The following RABGAP1L variants were observed in gnomAD, a reference collection of about 807,000 sequenced individuals.
The protein encoded by RABGAP1L is RAB GTPase activating protein 1 like, also known as rab GTPase-activating protein 1-like.
RABGAP1L carries 63 observed loss-of-function variants against 137.7 expected under a neutral mutation model. That is an observed-to-expected ratio of 0.46 (90% confidence interval 0.37 to 0.56). The LOEUF (loss-of-function observed/expected upper bound fraction) is 0.56, where lower values mean the gene tolerates loss of function less well. RABGAP1L is among the 20% of genes least tolerant of loss of function. RABGAP1L has a pLI of 0.00. For synonymous variants in RABGAP1L, 431 were observed against 433.7 expected (o/e 0.99, Z 0.08); for missense variants, 1,095 against 1,244.0 (o/e 0.88, Z 1.80).
At chr1:174,544,163 TC>T (rs1207783195) in intron 13 of RABGAP1L, among the ~76,000 whole-genome samples, 1 of 152,218 alleles carries the variant, frequency 6.6e-6, no homozygotes, top group Non-Finnish European at 1.5e-5. Flanking sequence ...TTGGGTAAGT[TC>T]TCCTGGGTAA....
intron 14 of RABGAP1L, among the ~76,000 whole-genome samples, chr1:174,662,540 C>G (rs1260999518): frequency 6.6e-6 from 1 of 151,960 alleles, no homozygotes; most frequent in Non-Finnish European, 1.5e-5. Context: ...GCCTCAGCCT[C>G]CCACCACCAC....
At chr1:174,465,888 T>C (rs1657244069) in intron 13 of RABGAP1L, among the ~76,000 whole-genome samples, 1 of 152,196 alleles carries the variant, frequency 6.6e-6, no homozygotes, top group East Asian at 1.9e-4. Context: ...GCTTCTTAGT[T>C]ATGTGGGAGA....
rs953596473 is a variant in RABGAP1L, at chr1:174,832,635, A to G, written c.2340+20675A>G. 4.9e-5 allele frequency among the ~76,000 whole-genome samples: 6 copies of G among 121,932 alleles called. 1 individual carries two copies. Among genetic ancestry groups the G allele is most frequent in the African/African-American group, 1.7e-4 (6 of 35,232 alleles). 80.0% of individuals were successfully genotyped at this position (121,932 alleles called of 152,430 possible). On this transcript the variant is annotated intron_variant, in intron 19 of 25. Coordinates refer to ENST00000681986, the MANE Select transcript of RABGAP1L (RefSeq NM_001366446.1). Reference sequence around the variant, plus strand: ...GCTCCCTCCAGCAGCCCCTTCTCCCATGACCTCTATGTCAGTTACATCCAT... The same window carrying G: ...GCTCCCTCCAGCAGCCCCTTCTCCCGTGACCTCTATGTCAGTTACATCCAT...
intron 19 of RABGAP1L, among the ~76,000 whole-genome samples, chr1:174,916,716 C>T (rs772222432): frequency 3.3e-5 from 5 of 152,160 alleles, no homozygotes; most frequent in Non-Finnish European, 5.9e-5. Flanking sequence ...GAGCATATCT[C>T]GTCCTTTGAA....
intron 1 of RABGAP1L, among the ~76,000 whole-genome samples, chr1:174,203,606 C>T (rs923556083): frequency 6.6e-6 from 1 of 152,052 alleles, no homozygotes; most frequent in Non-Finnish European, 1.5e-5. Context: ...TTTTTGGTTC[C>T]ATATGAATTT....
At position 174,827,509 on chromosome 1, in the gene RABGAP1L, G is replaced by T. The variant is rs990703297; in HGVS notation, c.2340+15549G>T. Among the ~76,000 whole-genome samples the T allele has an allele frequency of 8.2e-5, 10 of 122,508 alleles. 1 individual carries two copies. Among genetic ancestry groups the T allele is most frequent in the Non-Finnish European group, 1.9e-4 (10 of 54,034 alleles). 80.4% of individuals were successfully genotyped at this position (122,508 alleles called of 152,430 possible). A position where few individuals can be genotyped will look rare whatever the true frequency, so the allele number is the denominator to read the frequency against. ...TGTTGTTCTCATAGTAACTGAGTGCGCATTTCTTCTCAATTTCTCTGAAAA... is the reference window on the plus strand; with the variant it reads ...TGTTGTTCTCATAGTAACTGAGTGCTCATTTCTTCTCAATTTCTCTGAAAA... On this transcript the variant is annotated intron_variant, in intron 19 of 25. Transcript: ENST00000681986.
intron 11 of RABGAP1L, among the ~76,000 whole-genome samples, chr1:174,349,588 ACC>A (rs1276230042): frequency 2.5e-5 from 2 of 79,140 alleles, no homozygotes; most frequent in Admixed American, 1.3e-4. Flanking sequence ...AGGGGGGCTG[ACC>A]CCCCCCACCT....
intron 13 of RABGAP1L, among the ~76,000 whole-genome samples, chr1:174,625,262 G>A (rs539449079): frequency 5.3e-5 from 8 of 152,108 alleles, no homozygotes; most frequent in Non-Finnish European, 7.3e-5. Context: ...TATAGGCTCC[G>A]TAGAGTCAGA....
At chr1:174,436,599 G>C (rs994088259) in intron 13 of RABGAP1L, among the ~76,000 whole-genome samples, 3 of 152,236 alleles carry the variant, frequency 2.0e-5, no homozygotes, top group South Asian at 4.2e-4. Context: ...CTCCCATTTT[G>C]TAGGTTGCCT....
intron 21 of RABGAP1L, among the ~76,000 whole-genome samples, chr1:174,974,041 T>G (rs1293789806): frequency 1.4e-5 from 2 of 143,534 alleles, no homozygotes; most frequent in South Asian, 2.3e-4. Context: ...CAGGCTGGAA[T>G]GCAGTGGCAA....
At chr1:174,372,938 A>G (rs369674039) in intron 12 of RABGAP1L, among the ~76,000 whole-genome samples, 12 of 152,186 alleles carry the variant, frequency 7.9e-5, no homozygotes, top group African/African-American at 1.4e-4. Context: ...ACACACTTCT[A>G]TGTTGTCACC....
intron 13 of RABGAP1L, among the ~76,000 whole-genome samples, chr1:174,421,140 A>G (rs1295534541): frequency 6.6e-6 from 1 of 152,214 alleles, no homozygotes; most frequent in Non-Finnish European, 1.5e-5. Context: ...GCTAAGCTTC[A>G]TCTTCTGCTA....
chr1:174,612,486 A>G (rs974066468), intron 13 of RABGAP1L, among the ~76,000 whole-genome samples: 6 of 152,312 alleles, frequency 3.9e-5, no homozygotes, highest in East Asian at 1.9e-4. Flanking sequence ...TTTTGCATCA[A>G]TGTTCACCAA....
At chr1:174,639,234 TG>T (rs1353268128) in intron 14 of RABGAP1L, among the ~76,000 whole-genome samples, 3 of 152,156 alleles carry the variant, frequency 2.0e-5, no homozygotes, top group African/African-American at 7.2e-5. Flanking sequence ...AAATATATGC[TG>T]ATTAGAAATC....
chr1:174,857,691 T>G (rs1649552890), intron 19 of RABGAP1L, among the ~76,000 whole-genome samples: 1 of 152,152 alleles, frequency 6.6e-6, no homozygotes, highest in South Asian at 2.1e-4. Flanking sequence ...AACATATAAT[T>G]AATAATGATA....
chr1:174,394,992 C>G (rs1010973841), intron 13 of RABGAP1L, among the ~76,000 whole-genome samples: 1 of 150,432 alleles, frequency 6.6e-6, no homozygotes, highest in African/African-American at 2.4e-5. Context: ...AATTGATGGC[C>G]TCTGCATTGG....
intron 19 of RABGAP1L, among the ~76,000 whole-genome samples, chr1:174,821,492 C>T (rs561527906): frequency 4.5e-4 from 69 of 152,306 alleles, no homozygotes; most frequent in Middle Eastern, 3.4e-3. Context: ...CCTCACAAAT[C>T]ATGTTTTTAA....
At chr1:174,423,775 A>G (rs1416527347) in intron 13 of RABGAP1L, among the ~76,000 whole-genome samples, 5 of 151,990 alleles carry the variant, frequency 3.3e-5, no homozygotes, top group East Asian at 3.9e-4. Flanking sequence ...GCTATATTCT[A>G]TCTTCTGCCA....
At chr1:174,348,913 C>G (rs1013556421) in intron 11 of RABGAP1L, among the ~76,000 whole-genome samples, 16 of 152,162 alleles carry the variant, frequency 1.1e-4, no homozygotes, top group South Asian at 1.0e-3. Context: ...CCGCCTTTCC[C>G]GCCTTTCTAT....
Sources: allele counts gnomAD v4.1 joint callset (sites outside exome capture counted in the v4.1 genomes callset), GRCh38; gene constraint gnomAD v4.1.1; transcripts MANE v1.5; gene names NCBI Gene and HGNC (gene_info 2026-07-23, HGNC 2026-07-21).